Variants in GPC6 observed in about 807,000 individuals in gnomAD.
The protein encoded by GPC6 is glypican 6, also known as glypican-6.
In GPC6, 14 loss-of-function variants were observed where a neutral mutation model predicts 55.2. The observed-to-expected ratio is 0.25, with a 90% CI of 0.17 to 0.40. The LOEUF is 0.40. Ranked by LOEUF, GPC6 falls within the 10% of genes least tolerant of loss-of-function variation. GPC6 has a pLI of 1.00. For synonymous variants in GPC6, 278 were observed against 259.6 expected, an observed-to-expected ratio of 1.07 and a Z score of -0.68; for missense variants, 641 against 708.5, an observed-to-expected ratio of 0.90 and a Z score of 1.08.
At chr13:93,614,111 A>G (rs551504940) in intron 2 of GPC6, among the ~76,000 whole-genome samples, 47 of 152,180 alleles carry the variant, frequency 3.1e-4, no homozygotes, top group Admixed American at 1.4e-3. Flanking sequence ...ATATGTTTTG[A>G]TTAGACAGCA....
intron 3 of GPC6, among the ~76,000 whole-genome samples, chr13:93,966,869 C>T (rs1428044703): frequency 6.6e-6 from 1 of 151,982 alleles, no homozygotes; most frequent in African/African-American, 2.4e-5. Context: ...TGCCCAGGCT[C>T]ATCTCAAACT....
chr13:93,479,437 A>G (rs1052793739), intron 1 of GPC6, among the ~76,000 whole-genome samples: 1 of 152,120 alleles, frequency 6.6e-6, no homozygotes, highest in African/African-American at 2.4e-5. Flanking sequence ...GGACACAAAG[A>G]TGATCTGAGA....
At chr13:94,265,721 A>C (rs1428185304) in intron 4 of GPC6, among the ~76,000 whole-genome samples, 1 of 152,234 alleles carries the variant, frequency 6.6e-6, no homozygotes, top group Admixed American at 6.5e-5. Context: ...AGGAGCAGGA[A>C]GTGATTAAGC....
rs374386092 is a variant in GPC6 at position 93,840,036 on chromosome 13, G to C, written c.711+9491G>C. Reference sequence around the variant, plus strand: ...TCTATCTTGTGGAATAGTGTCAAAAGGATTGGTGCCAATTCTTCTTTGATA... The same window carrying C: ...TCTATCTTGTGGAATAGTGTCAAAACGATTGGTGCCAATTCTTCTTTGATA... On this transcript the variant is annotated intron_variant, in intron 3 of 8. Transcript: ENST00000377047. 5.9e-5 allele frequency among the ~76,000 whole-genome samples: 9 copies of C among 152,066 alleles called. No individual in the cohort carries two copies. In the East Asian group the frequency reaches 1.5e-3, roughly 26 times the overall value.
At position 94,382,557 on chromosome 13, in the gene GPC6, G is replaced by C. The variant is rs759403966; in HGVS notation, c.1289+7G>C. 1 of 1,614,038 alleles carries C rather than the reference G, an allele frequency of 6.2e-7. No individual in the cohort carries two copies. The highest frequency in any genetic ancestry group is 2.2e-5 in the East Asian group (1 of 44,882). ...ACGGGCACAGCAAAGCCAGGTGAGG[G>C]TGACTCGATGTGTGCATGGATGGGG... On this transcript the variant is annotated splice_region_variant and intron_variant, in intron 7 of 8. Coordinates refer to ENST00000377047, the MANE Select transcript of GPC6 (RefSeq NM_005708.5).
intron 4 of GPC6, among the ~76,000 whole-genome samples, chr13:94,049,531 C>T (rs1883861381): frequency 6.6e-6 from 1 of 152,068 alleles, no homozygotes; most frequent in South Asian, 2.1e-4. Flanking sequence ...CTCACTGTTC[C>T]TCAAACCCTC....
chr13:94,386,715 C>G (rs1033219268), intron 7 of GPC6, among the ~76,000 whole-genome samples: 6 of 152,182 alleles, frequency 3.9e-5, no homozygotes, highest in African/African-American at 1.4e-4. Flanking sequence ...TTTATAAACT[C>G]AAGCCTGTGT....
chr13:93,501,609 C>T (rs2139372378), intron 1 of GPC6, among the ~76,000 whole-genome samples: 1 of 152,140 alleles, frequency 6.6e-6, no homozygotes, highest in Non-Finnish European at 1.5e-5. Flanking sequence ...GAGTGCCTTC[C>T]AAATATTAAC....
At chr13:94,128,882 TC>T (rs1414641728) in intron 4 of GPC6, among the ~76,000 whole-genome samples, 1 of 152,100 alleles carries the variant, frequency 6.6e-6, no homozygotes, top group Non-Finnish European at 1.5e-5. Context: ...TTATTTTAGA[TC>T]CCATTCTTCC....
At chr13:93,359,533 G>C (rs1336563167) in intron 1 of GPC6, among the ~76,000 whole-genome samples, 1 of 152,112 alleles carries the variant, frequency 6.6e-6, no homozygotes, top group African/African-American at 2.4e-5. Flanking sequence ...ATACATATTT[G>C]ATATGTGCAA....
chr13:93,948,319 T>C (rs1879105626), intron 3 of GPC6, among the ~76,000 whole-genome samples: 1 of 152,220 alleles, frequency 6.6e-6, no homozygotes. Flanking sequence ...CAGCCAGTTA[T>C]GTCAGGCTAG....
intron 4 of GPC6, among the ~76,000 whole-genome samples, chr13:94,275,113 G>A (rs1267799896): frequency 1.3e-5 from 2 of 152,112 alleles, no homozygotes; most frequent in South Asian, 2.1e-4. Flanking sequence ...TTCTTTTAAC[G>A]AATGTTTAAT....
At chr13:93,950,892 G>A (rs1272257317) in intron 3 of GPC6, among the ~76,000 whole-genome samples, 1 of 152,038 alleles carries the variant, frequency 6.6e-6, no homozygotes, top group East Asian at 1.9e-4. Context: ...CATGGTGACT[G>A]GGAAGAGTTA....
At chr13:94,184,019 A>T (rs1156610285) in intron 4 of GPC6, among the ~76,000 whole-genome samples, 1 of 152,194 alleles carries the variant, frequency 6.6e-6, no homozygotes, top group Non-Finnish European at 1.5e-5. Flanking sequence ...CCTATTAAAT[A>T]AATGGTGCTG....
intron 2 of GPC6, among the ~76,000 whole-genome samples, chr13:93,648,471 A>AT (rs2139595693): frequency 6.6e-6 from 1 of 152,234 alleles, no homozygotes; most frequent in African/African-American, 2.4e-5. Flanking sequence ...GGAATGGGAG[A>AT]TTTGTGATCA....
intron 1 of GPC6, among the ~76,000 whole-genome samples, chr13:93,403,447 G>T (rs1454757570): frequency 6.6e-6 from 1 of 152,116 alleles, no homozygotes; most frequent in Non-Finnish European, 1.5e-5. Context: ...TTTGACCACG[G>T]ATACCGTAGA....
chr13:93,285,642 G>GTA (rs1196307647), intron 1 of GPC6, among the ~76,000 whole-genome samples: 5 of 150,796 alleles, frequency 3.3e-5, no homozygotes, highest in East Asian at 2.0e-4. Flanking sequence ...GTGTGTGTGT[G>GTA]TGTGTGTGTG....
At chr13:94,225,930 T>TA (rs1890543579) in intron 4 of GPC6, among the ~76,000 whole-genome samples, 2 of 152,276 alleles carry the variant, frequency 1.3e-5, no homozygotes, top group South Asian at 2.1e-4. Context: ...TGTCTGGCCT[T>TA]ACATACATTC....
intron 7 of GPC6, among the ~76,000 whole-genome samples, chr13:94,392,149 G>A (rs1374055209): frequency 2.6e-5 from 4 of 152,090 alleles, no homozygotes; most frequent in African/African-American, 9.7e-5. Context: ...ATATCCCAAA[G>A]ATATCTGTAT....
Sources: allele counts gnomAD v4.1 joint callset (sites outside exome capture counted in the v4.1 genomes callset), GRCh38; gene constraint gnomAD v4.1.1; transcripts MANE v1.5; gene names NCBI Gene and HGNC (gene_info 2026-07-23, HGNC 2026-07-21).